ANKS1B: variants seen among roughly 807,000 people sequenced by gnomAD.
ANKS1B encodes the protein ankyrin repeat and sterile alpha motif domain containing 1B.
In ANKS1B, 36 loss-of-function variants were observed where a neutral mutation model predicts 148.3. That is an observed-to-expected ratio of 0.24 (90% confidence interval 0.19 to 0.32). ANKS1B has a LOEUF of 0.32. ANKS1B is among the 10% of genes least tolerant of loss of function. The probability of loss-of-function intolerance (pLI) is 1.00; values close to 1 mark genes in which losing one functional copy is unlikely to be tolerated. For synonymous variants in ANKS1B, 542 were observed against 560.8 expected, an observed-to-expected ratio of 0.97 and a Z score of 0.47; for missense variants, 1,157 against 1,542.6, an observed-to-expected ratio of 0.75 and a Z score of 4.19.
chr12:99,770,317 G>A (rs1047364816), intron 8 of ANKS1B, among the ~76,000 whole-genome samples: 9 of 152,128 alleles, frequency 5.9e-5, no homozygotes, highest in African/African-American at 7.2e-5. Context: ...TAGGATAGGT[G>A]TTTTGAAACA....
At chr12:99,432,288 C>T (rs1402342652) in intron 11 of ANKS1B, among the ~76,000 whole-genome samples, 1 of 152,176 alleles carries the variant, frequency 6.6e-6, no homozygotes, top group African/African-American at 2.4e-5. Context: ...TAAGACTTCA[C>T]CTATCTAATG....
At chr12:99,549,108 G>C (rs534943915) in intron 9 of ANKS1B, among the ~76,000 whole-genome samples, 1 of 152,182 alleles carries the variant, frequency 6.6e-6, no homozygotes, top group East Asian at 1.9e-4. Context: ...TTAACATAAA[G>C]AAGAAACCGA....
intron 10 of ANKS1B, among the ~76,000 whole-genome samples, chr12:99,498,046 G>A (rs977307000): frequency 1.3e-5 from 2 of 152,150 alleles, no homozygotes; most frequent in Non-Finnish European, 2.9e-5. Context: ...TTCTCAAGAT[G>A]AGAAGGATGA....
intron 10 of ANKS1B, among the ~76,000 whole-genome samples, chr12:99,469,183 C>T (rs896424219): frequency 6.6e-6 from 1 of 150,928 alleles, no homozygotes; most frequent in Non-Finnish European, 1.5e-5. Flanking sequence ...AGTAAACTAT[C>T]GCAAGGACAA....
At chr12:98,911,304 C>T (rs2099786558) in intron 17 of ANKS1B, among the ~76,000 whole-genome samples, 1 of 152,074 alleles carries the variant, frequency 6.6e-6, no homozygotes, top group Admixed American at 6.5e-5. Flanking sequence ...GAGCTAATTC[C>T]AGAGTCTTCA....
intron 12 of ANKS1B, among the ~76,000 whole-genome samples, chr12:99,303,959 T>C (rs1305918652): frequency 1.3e-5 from 2 of 152,184 alleles, no homozygotes; most frequent in African/African-American, 4.8e-5. Flanking sequence ...TGCCATTATT[T>C]CATTCCTTTT....
chr12:99,087,143 T>C (rs2153634322), intron 15 of ANKS1B, among the ~76,000 whole-genome samples: 1 of 152,284 alleles, frequency 6.6e-6, no homozygotes, highest in Admixed American at 6.5e-5. Flanking sequence ...TTTCCTGCCA[T>C]AATAAAGGAG....
intron 9 of ANKS1B, among the ~76,000 whole-genome samples, chr12:99,561,797 T>C (rs2097338974): frequency 6.6e-6 from 1 of 152,214 alleles, no homozygotes; most frequent in African/African-American, 2.4e-5. Flanking sequence ...GGAATTAACT[T>C]GGTCTAAACT....
intron 15 of ANKS1B, among the ~76,000 whole-genome samples, chr12:99,086,088 C>T (rs2051681968): frequency 6.6e-6 from 1 of 152,064 alleles, no homozygotes; most frequent in East Asian, 1.9e-4. Flanking sequence ...GATGCAGGGC[C>T]CTACCCACAA....
At chr12:99,065,590 T>TCATTCATC (rs2043859283) in intron 16 of ANKS1B, among the ~76,000 whole-genome samples, 1 of 67,378 alleles carries the variant, frequency 1.5e-5, no homozygotes, top group Non-Finnish European at 4.3e-5. Flanking sequence ...TCCATTCCAT[T>TCATTCATC]CATCCATCCA....
chr12:99,685,771 C>T (rs1277045919), intron 8 of ANKS1B, among the ~76,000 whole-genome samples: 1 of 151,156 alleles, frequency 6.6e-6, no homozygotes, highest in African/African-American at 2.4e-5. Context: ...CACACACACA[C>T]ATATATACAC....
chr12:98,747,101 G>A (rs1372451082), intron 26 of ANKS1B, among the ~76,000 whole-genome samples: 4 of 152,108 alleles, frequency 2.6e-5, no homozygotes, highest in Admixed American at 1.3e-4. Flanking sequence ...TCTGCACAGC[G>A]AAGGAAACAA....
At chr12:98,997,242 G>T (rs562279369) in intron 17 of ANKS1B, among the ~76,000 whole-genome samples, 1 of 152,120 alleles carries the variant, frequency 6.6e-6, no homozygotes, top group African/African-American at 2.4e-5. Flanking sequence ...CTTTCACTGG[G>T]GACCAGGATT....
intron 17 of ANKS1B, among the ~76,000 whole-genome samples, chr12:98,892,704 T>C (rs2152694312): frequency 6.6e-6 from 1 of 152,352 alleles, no homozygotes; most frequent in Admixed American, 6.5e-5. Flanking sequence ...AAACTAGTTA[T>C]CCCAAAATAT....
intron 1 of ANKS1B, among the ~76,000 whole-genome samples, chr12:99,912,797 A>T (rs1386135096): frequency 6.6e-6 from 1 of 152,192 alleles, no homozygotes; most frequent in East Asian, 1.9e-4. Flanking sequence ...TCTGTACTCT[A>T]TTCATGAAAT....
chr12:99,652,034 T>A (rs943811050), intron 9 of ANKS1B, among the ~76,000 whole-genome samples: 2 of 150,316 alleles, frequency 1.3e-5, no homozygotes, highest in Non-Finnish European at 3.0e-5. Flanking sequence ...AATGTATATA[T>A]ATAAACATGT....
At chr12:99,691,432 C>T (rs554775664) in intron 8 of ANKS1B, among the ~76,000 whole-genome samples, 1 of 152,294 alleles carries the variant, frequency 6.6e-6, no homozygotes, top group African/African-American at 2.4e-5. Context: ...GCTCTACTTC[C>T]TCTTGAACAC....
At chr12:99,216,500 T>A (rs538056997) in intron 14 of ANKS1B, among the ~76,000 whole-genome samples, 23 of 152,288 alleles carry the variant, frequency 1.5e-4, no homozygotes, top group East Asian at 5.8e-4. Context: ...TTTCTTTTTT[T>A]AAAAAAATCT....
At chr12:99,363,280 T>G (rs1202001362) in intron 12 of ANKS1B, among the ~76,000 whole-genome samples, 1 of 152,088 alleles carries the variant, frequency 6.6e-6, no homozygotes, top group Non-Finnish European at 1.5e-5. Flanking sequence ...GGAGAAATTA[T>G]AGAAGAAATT....
Sources: allele counts gnomAD v4.1 joint callset (sites outside exome capture counted in the v4.1 genomes callset), GRCh38; gene constraint gnomAD v4.1.1; transcripts MANE v1.5; gene names NCBI Gene and HGNC (gene_info 2026-07-23, HGNC 2026-07-21).